Variants in C8orf34 observed in about 807,000 individuals in gnomAD.
C8orf34 encodes uncharacterized protein C8orf34.
A neutral mutation model predicts 68.3 loss-of-function variants in C8orf34; 65 were observed. The observed-to-expected ratio is 0.95, with a 90% CI of 0.78 to 1.17. The LOEUF is 1.17. Ranked by LOEUF, C8orf34 falls within the 50% of genes most tolerant of loss-of-function variation. The pLI is 0.00. For missense variants in C8orf34, 664 were observed against 655.4 expected, an observed-to-expected ratio of 1.01 and a Z score of -0.14; for synonymous variants, 244 against 241.2, an observed-to-expected ratio of 1.01 and a Z score of -0.11.
chr8:68,460,061 C>G (rs1462790035), intron 3 of C8orf34, among the ~76,000 whole-genome samples: 1 of 152,152 alleles, frequency 6.6e-6, no homozygotes, highest in South Asian at 2.1e-4. Flanking sequence ...ACAGACGGCA[C>G]CTGGAAAATC....
chr8:68,631,036 G>A (rs553518596), intron 7 of C8orf34, among the ~76,000 whole-genome samples: 23 of 150,810 alleles, frequency 1.5e-4, no homozygotes, highest in African/African-American at 3.9e-4. Context: ...AGGCTGAAGC[G>A]GGCAGATCAC....
intron 1 of C8orf34, among the ~76,000 whole-genome samples, chr8:68,351,067 G>A (rs1806492076): frequency 6.6e-6 from 1 of 151,708 alleles, no homozygotes; most frequent in Non-Finnish European, 1.5e-5. Context: ...TGGTCTGCGT[G>A]TTTAAATATG....
chr8:68,798,288 C>CTTTTT (rs10690187), intron 12 of C8orf34, among the ~76,000 whole-genome samples: 2 of 125,048 alleles, frequency 1.6e-5, no homozygotes, highest in African/African-American at 3.1e-5. Flanking sequence ...TTATGTCTGG[C>CTTTTT]TTTTTTTTTT....
intron 1 of C8orf34, among the ~76,000 whole-genome samples, chr8:68,347,034 G>C (rs945955055): frequency 1.3e-5 from 2 of 151,834 alleles, no homozygotes; most frequent in Admixed American, 1.3e-4. Context: ...TTCATGGGGG[G>C]CTGTTATAAA....
chr8:68,537,464 C>T (rs191384019), intron 7 of C8orf34, among the ~76,000 whole-genome samples: 1,554 of 139,112 alleles, frequency 0.011, 27 homozygotes, highest in African/African-American at 0.041. Context: ...TTTTTATTTT[C>T]TTTTTTTTTT....
At chr8:68,353,599 TACAC>T (rs1228121407) in intron 1 of C8orf34, among the ~76,000 whole-genome samples, 1 of 146,170 alleles carries the variant, frequency 6.8e-6, no homozygotes, top group Non-Finnish European at 1.5e-5. Flanking sequence ...TGTATATATA[TACAC>T]ACACATATAT....
intron 4 of C8orf34, among the ~76,000 whole-genome samples, chr8:68,478,238 A>C (rs1207773682): frequency 6.6e-6 from 1 of 151,760 alleles, no homozygotes; most frequent in Non-Finnish European, 1.5e-5. Flanking sequence ...TCAAAGATCC[A>C]CAGATCTGCC....
At chr8:68,541,611 G>A (rs1815704993) in intron 7 of C8orf34, among the ~76,000 whole-genome samples, 1 of 152,136 alleles carries the variant, frequency 6.6e-6, no homozygotes, top group Non-Finnish European at 1.5e-5. Context: ...TGGCCTTAGG[G>A]GTTTAAATGC....
intron 12 of C8orf34, among the ~76,000 whole-genome samples, chr8:68,801,507 G>A (rs907165185): frequency 9.9e-5 from 15 of 152,120 alleles, no homozygotes; most frequent in Non-Finnish European, 1.8e-4. Flanking sequence ...CCTCTGATAA[G>A]GTAATAAGTT....
Position 68,488,045 on chromosome 8 carries a change from C to T in C8orf34, c.759C>T (p.Leu253=), listed in dbSNP as rs749485435. 2.3e-5 allele frequency: 36 copies of T among 1,588,298 alleles called. No homozygotes were observed. The East Asian group carries it at 4.1e-4, about 18-fold the overall frequency. The change falls in exon 5 of 14, where the codon CTC becomes CTT. Residue 253 remains leucine (L), a synonymous_variant. Coordinates refer to ENST00000518698, the MANE Select transcript of C8orf34 (RefSeq NM_052958.4). ...CAGGTATTGCAATTTCAGATGAACT[C>T]GATAAGGTAAGTTGAACTATACATC... ...LSRSIAISDE[L]DKETVTFNSS...
intron 1 of C8orf34, among the ~76,000 whole-genome samples, chr8:68,379,001 A>G (rs993733226): frequency 1.4e-4 from 21 of 152,202 alleles, no homozygotes; most frequent in African/African-American, 5.1e-4. Context: ...GAAACATCAA[A>G]CATTTATATG....
chr8:68,491,525 C>A (rs1481447489), intron 5 of C8orf34, among the ~76,000 whole-genome samples: 3 of 152,020 alleles, frequency 2.0e-5, no homozygotes, highest in Non-Finnish European at 2.9e-5. Context: ...AGTGCATGGC[C>A]CCCTTGTTAT....
chr8:68,426,680 C>A (rs374014913), intron 1 of C8orf34, among the ~76,000 whole-genome samples: 1 of 151,596 alleles, frequency 6.6e-6, no homozygotes, highest in East Asian at 1.9e-4. Context: ...CCAGCCTGAC[C>A]AAAATGGTGA....
intron 3 of C8orf34, among the ~76,000 whole-genome samples, chr8:68,458,936 T>A (rs902059281): frequency 2.6e-5 from 4 of 152,322 alleles, no homozygotes; most frequent in Admixed American, 2.0e-4. Flanking sequence ...ATTTTGACAA[T>A]GTAAAATATA....
In C8orf34 at chr8:68,503,686, CTTTTTTT is replaced by C. The variant is rs538748605; in HGVS notation, c.765+15644_765+15650del. Among the ~76,000 whole-genome samples, 129 of 135,214 alleles carry C rather than the reference CTTTTTTT, an allele frequency of 9.5e-4. 4 individuals carry two copies. In the South Asian group the frequency reaches 0.024, roughly 25 times the overall value. The allele number at this position is 135,214 out of a possible 152,430, so 88.7% of individuals were successfully genotyped here. On this transcript the variant is annotated intron_variant, in intron 5 of 13. Transcript: ENST00000518698. Reference sequence around the variant, plus strand: ...GGAGTAGTTATTCTCTTTTCTTTTTCTTTTTTTTTTTTTTTCCAAATAAGAAAACTGA... The same window carrying C: ...GGAGTAGTTATTCTCTTTTCTTTTTCTTTTTTTTCCAAATAAGAAAACTGA...
chr8:68,728,427 C>T (rs1027921254), intron 10 of C8orf34, among the ~76,000 whole-genome samples: 12 of 152,206 alleles, frequency 7.9e-5, no homozygotes, highest in African/African-American at 2.9e-4. Context: ...CTGCCTGCTA[C>T]CCAGTTCCAA....
chr8:68,589,918 G>A (rs1341473197), intron 7 of C8orf34, among the ~76,000 whole-genome samples: 2 of 138,084 alleles, frequency 1.4e-5, no homozygotes, highest in South Asian at 2.6e-4. Context: ...AGAAAAAGAT[G>A]GGGGAGGGAG....
At chr8:68,419,558 G>A (rs1809848815) in intron 1 of C8orf34, among the ~76,000 whole-genome samples, 1 of 151,808 alleles carries the variant, frequency 6.6e-6, no homozygotes, top group Non-Finnish European at 1.5e-5. Flanking sequence ...ATTCACAATA[G>A]CAAAGACTTG....
intron 7 of C8orf34, among the ~76,000 whole-genome samples, chr8:68,631,207 A>G (rs1818681960): frequency 6.6e-6 from 1 of 151,978 alleles, no homozygotes; most frequent in African/African-American, 2.4e-5. Context: ...GGTTGCAGTG[A>G]GCCGAGATCA....
Sources: gnomAD v4.1 joint callset for allele counts (sites outside exome capture counted in the v4.1 genomes callset) on GRCh38, gnomAD v4.1.1 for gene constraint, MANE v1.5 for transcripts, NCBI Gene and HGNC (gene_info 2026-07-23, HGNC 2026-07-21) for gene names.